CAPN7: variants seen among roughly 807,000 people sequenced by gnomAD.
CAPN7 encodes the protein calpain-7.
Under a neutral mutation model 115.2 loss-of-function variants are expected in CAPN7, and 72 were observed. That is an observed-to-expected ratio of 0.63 (90% CI 0.52 to 0.76). The LOEUF (loss-of-function observed/expected upper bound fraction) is 0.76. Among genes scored for constraint, CAPN7 ranks in the 30% least tolerant of loss-of-function variants. The pLI is 0.00. For missense variants in CAPN7, 905 were observed against 971.5 expected (o/e 0.93, Z 0.91); for synonymous variants, 344 against 322.3 (o/e 1.07, Z -0.72).
intron 2 of CAPN7, among the ~76,000 whole-genome samples, chr3:15,216,070 A>G (rs139423169): frequency 0.011 from 1,720 of 150,974 alleles, 33 homozygotes; most frequent in African/African-American, 0.038. Context: ...CTTGGGTGAC[A>G]GGGTGAGATT....
At position 15,217,503 on chromosome 3, in the gene CAPN7, C is replaced by G; in HGVS notation, c.290C>G (p.Ala97Gly). 6.2e-7 allele frequency: 1 copy of G among 1,613,738 alleles called. No homozygotes were observed. ...CGTGCTCATTTCCTTGTTACACAAGCTTTTGATGAAGATGAAAAAGAGAAT... is the reference window on the plus strand; with the variant it reads ...CGTGCTCATTTCCTTGTTACACAAGGTTTTGATGAAGATGAAAAAGAGAAT... Reference protein sequence around the residue: ...LERAHFLVTQAFDEDEKENVE... With the variant: ...LERAHFLVTQGFDEDEKENVE... The change falls in exon 3 of 21, where the codon GCT becomes GGT. Residue 97 changes from alanine to glycine, a missense_variant. Around this residue, in one of 3 missense-constraint regions of CAPN7, gnomAD observed 271 missense variants for 239.6 expected, o/e 1.13. Coordinates refer to ENST00000253693, the MANE Select transcript of CAPN7 (RefSeq NM_014296.3).
chr3:15,231,827 C>T (rs911058397), intron 9 of CAPN7, among the ~76,000 whole-genome samples: 1 of 152,152 alleles, frequency 6.6e-6, no homozygotes, highest in African/African-American at 2.4e-5. Flanking sequence ...CGCGCCCAGC[C>T]TCAGATCACT....
chr3:15,232,734 A>T, intron 10 of CAPN7, 69 bp downstream of exon 10: 3 of 1,330,566 alleles, frequency 2.3e-6, no homozygotes, highest in Non-Finnish European at 3.0e-6. Context: ...AAATTTGAAA[A>T]ATTCTAGATA....
rs535747467 is a variant in CAPN7, at chr3:15,209,914, C to A, written c.103-2190C>A. 2.6e-4 allele frequency among the ~76,000 whole-genome samples: 39 copies of A among 152,094 alleles called. 1 individual carries two copies. The highest frequency in any genetic ancestry group is 4.9e-4 in the Non-Finnish European group (33 of 68,016). ...TAGTATTTAGTGTTTTCTGCCCAGT[C>A]CTTTCTATAAGCTATTTATTTCTTG... On this transcript the variant is annotated intron_variant, in intron 1 of 20. Transcript: ENST00000253693.
At chr3:15,249,462 T>C (rs972568943) in intron 19 of CAPN7, among the ~76,000 whole-genome samples, 2 of 152,236 alleles carry the variant, frequency 1.3e-5, no homozygotes, top group African/African-American at 2.4e-5. Flanking sequence ...TCTGGTTTCA[T>C]TTTGCTGTGG....
rs1183814282 is a variant in CAPN7, at chr3:15,247,476, T to C, written c.2204+19T>C. ...GACCAAGGTTTGTGATGAGTAACTT[T>C]CTTAAATTAATGATGTTCTATTACA... On this transcript the variant is annotated intron_variant, in intron 19 of 20. Coordinates refer to ENST00000253693, the MANE Select transcript of CAPN7 (RefSeq NM_014296.3). 1.9e-6 allele frequency: 3 copies of C among 1,572,166 alleles called. No individual in the cohort carries two copies. The highest frequency in any genetic ancestry group is 2.3e-5 in the East Asian group (1 of 44,312).
chr3:15,246,492 C>T (rs1330738066), intron 17 of CAPN7: 4 of 426,484 alleles, frequency 9.4e-6, no homozygotes, highest in Non-Finnish European at 1.7e-5. Flanking sequence ...TTTTCAGATG[C>T]AGAAGCCACA....
chr3:15,220,916 T>C lies in CAPN7; in HGVS notation c.573T>C (p.Phe191=). The change falls in exon 5 of 21, where the codon TTT becomes TTC. Residue 191 remains phenylalanine, a synonymous_variant. Transcript: ENST00000253693. ...CCTTCCTTGAAAGACCTCAGTCATT[T>C]ATAAGTCCTCAGTCATGTGATGCAC... ...ANPFLERPQS[F]ISPQSCDAQG... is the part of the protein sequence containing the mutation. The C allele has an allele frequency of 6.2e-7, 1 of 1,614,184 alleles. No individual in the cohort carries two copies. Among genetic ancestry groups the C allele is most frequent in the African/African-American group, 1.3e-5 (1 of 75,052 alleles).
chr3:15,218,013 C>T (rs942975946), intron 3 of CAPN7, among the ~76,000 whole-genome samples: 1 of 152,156 alleles, frequency 6.6e-6, no homozygotes, highest in Non-Finnish European at 1.5e-5. Flanking sequence ...GGTTGGGACT[C>T]TTAGCTTCAA....
At chr3:15,221,966 A>G (rs578184352) in intron 5 of CAPN7, among the ~76,000 whole-genome samples, 2 of 151,708 alleles carry the variant, frequency 1.3e-5, no homozygotes, top group Non-Finnish European at 2.9e-5. Context: ...AAAAAAAAAT[A>G]TGTGTGTATA....
At chr3:15,229,343 TAAGTG>T (rs1694526968) in intron 8 of CAPN7, among the ~76,000 whole-genome samples, 1 of 152,172 alleles carries the variant, frequency 6.6e-6, no homozygotes, top group Non-Finnish European at 1.5e-5. Context: ...ATTGGACTGT[TAAGTG>T]AGGTAGTCAC....
intron 6 of CAPN7, among the ~76,000 whole-genome samples, chr3:15,227,250 C>G (rs1038016962): frequency 2.6e-5 from 4 of 152,130 alleles, no homozygotes; most frequent in Non-Finnish European, 5.9e-5. Flanking sequence ...CACCAGAGAC[C>G]TGGATTCAGA....
chr3:15,251,258 T>C lies in CAPN7; in HGVS notation c.2440T>C (p.Ter814ArgextTer19), dbSNP rs751784524. The change falls in exon 21 of 21, where the codon TGA (stop) becomes CGA (arginine). Residue 814 changes from the stop codon to arginine (R), a stop_lost. Coordinates refer to ENST00000253693, the MANE Select transcript of CAPN7 (RefSeq NM_014296.3). ...IIPIKITQLQ[*>R] is the part of the protein sequence containing the mutation. ...CCCCATCAAGATCACACAACTTCAG[T>C]GATGGAGAAATCTCAAGTTACTGGC... 2 of 1,580,458 alleles carry C rather than the reference T, an allele frequency of 1.3e-6. No homozygotes were observed. The highest frequency in any genetic ancestry group is 2.0e-5 in the Admixed American group (1 of 49,110).
At position 15,206,362 on chromosome 3, in the gene CAPN7, C is replaced by T; in HGVS notation, c.-134C>T. On this transcript the variant is annotated 5_prime_UTR_variant, in exon 1 of 21. Coordinates refer to ENST00000253693, the MANE Select transcript of CAPN7 (RefSeq NM_014296.3). The stretch of plus-strand genomic sequence containing the variant: ...GGCAACGGGAAGGCGAGCTCTCCTC[C>T]ACCGTCCAAAGTAAACTTTGCCGCT... 1.6e-6 allele frequency: 1 copy of T among 643,610 alleles called. No homozygotes were observed. The highest frequency in any genetic ancestry group is 2.7e-6 in the Non-Finnish European group (1 of 375,378). 39.9% of individuals were successfully genotyped at this position (643,610 alleles called of 1,614,324 possible). A position where few individuals can be genotyped will look rare whatever the true frequency, so the allele number is the denominator to read the frequency against.
At chr3:15,207,005 A>G (rs1359200561) in intron 1 of CAPN7, among the ~76,000 whole-genome samples, 1 of 152,210 alleles carries the variant, frequency 6.6e-6, no homozygotes, top group Non-Finnish European at 1.5e-5. Context: ...AATAAAAACC[A>G]TCTCCTGTCA....
chr3:15,212,307 T>C, intron 2 of CAPN7, 95 bp downstream of exon 2: 2 of 643,532 alleles, frequency 3.1e-6, no homozygotes, highest in South Asian at 4.5e-5. Flanking sequence ...TTTTTATCTT[T>C]GAATCTTGAT....
intron 4 of CAPN7, among the ~76,000 whole-genome samples, chr3:15,219,344 T>G (rs534257783): frequency 6.6e-6 from 1 of 152,212 alleles, no homozygotes; most frequent in African/African-American, 2.4e-5. Flanking sequence ...TCATGAATTA[T>G]CTCCTTTTGA....
At chr3:15,250,281 G>A (rs922943701) in intron 19 of CAPN7, among the ~76,000 whole-genome samples, 2 of 151,944 alleles carry the variant, frequency 1.3e-5, no homozygotes, top group African/African-American at 4.8e-5. Context: ...GGAGGCTAAG[G>A]TGGGAGAATC....
chr3:15,241,992 A>G (rs981039941), intron 15 of CAPN7, among the ~76,000 whole-genome samples, 186 bp from the exon 16 acceptor site: 3 of 152,266 alleles, frequency 2.0e-5, no homozygotes, highest in African/African-American at 7.2e-5. Flanking sequence ...GTGGTCATCT[A>G]TTAAAATGAC....
Sources: gnomAD v4.1 joint callset for allele counts (sites outside exome capture counted in the v4.1 genomes callset) on GRCh38, gnomAD v4.1.1 for gene constraint, gnomAD v4.1.1 regional missense constraint, MANE v1.5 for transcripts, NCBI Gene and HGNC (gene_info 2026-07-23, HGNC 2026-07-21) for gene names.